AIFM1: variants seen among roughly 807,000 people sequenced by gnomAD.
The protein encoded by AIFM1 is apoptosis inducing factor mitochondria associated 1.
In AIFM1, 3 loss-of-function variants were observed where a neutral mutation model predicts 51.7. The observed-to-expected ratio is 0.06, with a 90% CI of 0.03 to 0.15. AIFM1 has a LOEUF of 0.15. AIFM1 is among the 10% of genes least tolerant of loss of function. The pLI, the probability that AIFM1 is intolerant of heterozygous loss-of-function variation, is 1.00. For missense variants in AIFM1, 330 were observed against 476.8 expected, an observed-to-expected ratio of 0.69 and a Z score of 2.87; for synonymous variants, 178 against 179.4, an observed-to-expected ratio of 0.99 and a Z score of 0.06.
chrX:130,136,687 C>G lies in AIFM1; in HGVS notation c.1120G>C (p.Val374Leu), dbSNP rs1057521792. The G allele has an allele frequency of 8.3e-7, 1 of 1,208,686 alleles. No homozygotes were observed. The highest frequency in any genetic ancestry group is 1.1e-6 in the Non-Finnish European group (1 of 894,986). The change falls in exon 11 of 16, where the codon GTC (valine) becomes CTC (leucine). Residue 374 changes from valine (V) to leucine (L), a missense_variant. Around this residue, in one of 4 missense-constraint regions of AIFM1, gnomAD observed 152 missense variants for 292.8 expected, o/e 0.52. Transcript: ENST00000287295. ...MPNAIVQSVG[V>L]SSGKLLIKLK... is the part of the protein sequence containing the mutation. Reference sequence around the variant, plus strand: ...TTGATAAGTAACTTGCCACTGCTGACTCCAACGGATTGCACAATAGCATTG... The same window carrying G: ...TTGATAAGTAACTTGCCACTGCTGAGTCCAACGGATTGCACAATAGCATTG...
chrX:130,152,965 T>A (rs1416461853), intron 2 of AIFM1, among the ~76,000 whole-genome samples: 1 of 111,298 alleles, frequency 9.0e-6, no homozygotes, highest in African/African-American at 3.3e-5. Flanking sequence ...TTTCTTTTTA[T>A]GTATTTGTAG....
rs1420648787 is a variant in AIFM1, at chrX:130,139,800, T to G, written c.853A>C (p.Arg285=). The G allele has an allele frequency of 5.0e-6, 6 of 1,207,903 alleles. No homozygotes were observed. The highest frequency in any genetic ancestry group is 2.2e-6 in the Non-Finnish European group (2 of 893,440). The change falls in exon 8 of 16, where the codon AGA becomes CGA. Residue 285 remains arginine, a synonymous_variant. Transcript: ENST00000287295. ...AEVKSRTTLF[R]KIGDFRSLEK... is the part of the protein sequence containing the mutation. The stretch of plus-strand genomic sequence containing the variant: ...ACACTAAAGCAGACAATTACCTTTC[T>G]GAAAAGCGTTGTTCTACTCTTCACC...
rs2030179917 is a variant in AIFM1, at chrX:130,133,297, G to A, written c.1448+16C>T. 1.7e-6 allele frequency: 2 copies of A among 1,207,854 alleles called. No homozygotes were observed. The highest frequency in any genetic ancestry group is 3.5e-5 in the African/African-American group (2 of 56,672). ...GAGTTGTAATCAGTTGGGTCTCCAA[G>A]GCACACCACTATTACCAGAACATTG... is the stretch of plus-strand genomic sequence containing the variant. On this transcript the variant is annotated intron_variant, in intron 13 of 15. Transcript: ENST00000287295.
chrX:130,139,462 C>T (rs991976126), intron 8 of AIFM1, among the ~76,000 whole-genome samples: 5 of 111,993 alleles, frequency 4.5e-5, no homozygotes, highest in Admixed American at 2.8e-4. Context: ...TCAGAAGTCT[C>T]TACACAGCAC....
chrX:130,155,543 G>A (rs2031136226), intron 2 of AIFM1, among the ~76,000 whole-genome samples: 1 of 112,462 alleles, frequency 8.9e-6, no homozygotes, highest in Non-Finnish European at 1.9e-5. Flanking sequence ...CCGTTTGGGA[G>A]TCACATCAGG....
intron 9 of AIFM1, chrX:130,137,758 A>C: frequency 9.9e-7 from 1 of 1,013,987 alleles, no homozygotes; most frequent in African/African-American, 1.9e-5. Context: ...AGAGGAAAAG[A>C]AAGGAAAGAA....
intron 1 of AIFM1, among the ~76,000 whole-genome samples, chrX:130,161,845 G>T (rs2031364205): frequency 9.0e-6 from 1 of 111,222 alleles, no homozygotes; most frequent in Non-Finnish European, 1.9e-5. Flanking sequence ...AACCTCAAGT[G>T]ATCTGCCCAC....
At chrX:130,143,186 A>G (rs1038490454) in intron 6 of AIFM1, among the ~76,000 whole-genome samples, 4 of 110,465 alleles carry the variant, frequency 3.6e-5, no homozygotes, top group Admixed American at 1.9e-4. Context: ...GGCTTCACCT[A>G]CTCTCATGGT....
Position 130,145,199 on chromosome X carries a change from T to C in AIFM1, c.696+280A>G, listed in dbSNP as rs1002684961. 4.5e-5 allele frequency among the ~76,000 whole-genome samples: 5 copies of C among 111,591 alleles called. No individual in the cohort carries two copies. In the East Asian group the frequency reaches 1.4e-3, roughly 31 times the overall value. Reference sequence around the variant, plus strand: ...TCTCATCGATAATCCCAGAGAGAAGTTAGTGTGGGAAAACAGGAAGGATGA... The same window carrying C: ...TCTCATCGATAATCCCAGAGAGAAGCTAGTGTGGGAAAACAGGAAGGATGA... On this transcript the variant is annotated intron_variant, in intron 6 of 15. Transcript: ENST00000287295.
intron 13 of AIFM1, among the ~76,000 whole-genome samples, chrX:130,132,226 C>T (rs1002816401): frequency 1.8e-5 from 2 of 112,120 alleles, no homozygotes; most frequent in Non-Finnish European, 3.8e-5. Context: ...ACGAGAGATG[C>T]CAACTGATCT....
At chrX:130,137,589 T>C (rs1398111890) in intron 9 of AIFM1, 1 of 1,149,736 alleles carries the variant, frequency 8.7e-7, no homozygotes, top group African/African-American at 1.8e-5. Flanking sequence ...CACAGATCTC[T>C]CAAGCTGGGA....
At chrX:130,144,863 T>G (rs2030699441) in intron 6 of AIFM1, among the ~76,000 whole-genome samples, 1 of 112,477 alleles carries the variant, frequency 8.9e-6, no homozygotes, top group Admixed American at 9.4e-5. Context: ...TAATGTCCCC[T>G]TACAGGAGAA....
At chrX:130,153,682 A>G (rs751383828) in intron 2 of AIFM1, among the ~76,000 whole-genome samples, 4 of 110,646 alleles carry the variant, frequency 3.6e-5, no homozygotes, top group Admixed American at 9.7e-5. Context: ...AGGGGAAGAC[A>G]CCGGAGTTCC....
intron 13 of AIFM1, among the ~76,000 whole-genome samples, chrX:130,132,429 T>G (rs2030130060): frequency 8.9e-6 from 1 of 112,933 alleles, no homozygotes; most frequent in African/African-American, 3.2e-5. Flanking sequence ...TATTCACTAC[T>G]TTTGTCTTGA....
chrX:130,149,369 C>T (rs1401093119), intron 3 of AIFM1, 100 bp downstream of exon 3: 4 of 669,038 alleles, frequency 6.0e-6, no homozygotes, highest in Non-Finnish European at 7.4e-6. Flanking sequence ...CTCATACCAC[C>T]ATTGCTTCTA....
At chrX:130,163,557 G>A (rs955606389) in intron 1 of AIFM1, among the ~76,000 whole-genome samples, 1 of 111,639 alleles carries the variant, frequency 9.0e-6, no homozygotes, top group Admixed American at 9.5e-5. Flanking sequence ...ATACTTTGGT[G>A]CACGGCCAAA....
chrX:130,156,926 A>G (rs1440934490), intron 1 of AIFM1, among the ~76,000 whole-genome samples: 1 of 111,812 alleles, frequency 8.9e-6, no homozygotes, highest in Non-Finnish European at 1.9e-5. Flanking sequence ...AAGTAAACAC[A>G]GAGAGATGAC....
At chrX:130,160,849 C>G (rs1181018645) in intron 1 of AIFM1, among the ~76,000 whole-genome samples, 1 of 108,136 alleles carries the variant, frequency 9.2e-6, no homozygotes, top group African/African-American at 3.4e-5. Context: ...TTGAGACCAG[C>G]CTGGCCAACA....
rs192691010 is a variant in AIFM1, at chrX:130,139,716, C to T, written c.858+79G>A. ...AATAGAACTTGGATCTCCCAAGTCC[C>T]GGGTGGGCACTTGGGGACTGCAAGA... On this transcript the variant is annotated intron_variant, in intron 8 of 15. Coordinates refer to ENST00000287295, the MANE Select transcript of AIFM1 (RefSeq NM_004208.4). 2.6e-3 allele frequency: 2,502 copies of T among 976,332 alleles called. 6 individuals carry two copies. Among genetic ancestry groups the T allele is most frequent in the Middle Eastern group, 0.012 (48 of 3,895 alleles). 80.5% of individuals were successfully genotyped at this position (976,332 alleles called of 1,213,427 possible). A position where few individuals can be genotyped will look rare whatever the true frequency, so the allele number is the denominator to read the frequency against.
Sources: gnomAD v4.1 joint callset for allele counts (sites outside exome capture counted in the v4.1 genomes callset) on GRCh38, gnomAD v4.1.1 for gene constraint, gnomAD v4.1.1 regional missense constraint, MANE v1.5 for transcripts, NCBI Gene and HGNC (gene_info 2026-07-23, HGNC 2026-07-21) for gene names.